Variants in GPR158 observed in about 807,000 individuals in gnomAD.
GPR158 encodes G protein-coupled receptor 158, also known as metabotropic glycine receptor.
In GPR158, 30 loss-of-function variants were observed where a neutral mutation model predicts 78.2. The ratio of observed to expected loss-of-function variants is 0.38; its 90% confidence interval spans 0.29 to 0.52. The LOEUF (loss-of-function observed/expected upper bound fraction) is 0.52. Ranked by LOEUF, GPR158 falls within the 20% of genes least tolerant of loss-of-function variation. GPR158 has a pLI of 0.83. For missense variants in GPR158, 1,463 were observed against 1,523.5 expected (o/e 0.96, Z 0.66); for synonymous variants, 581 against 591.1 (o/e 0.98, Z 0.25).
At chr10:25,221,570 A>G (rs1793335734) in intron 2 of GPR158, among the ~76,000 whole-genome samples, 1 of 152,186 alleles carries the variant, frequency 6.6e-6, no homozygotes, top group East Asian at 1.9e-4. Flanking sequence ...GCACTAGAGA[A>G]GGCATGGTGG....
intron 2 of GPR158, among the ~76,000 whole-genome samples, chr10:25,312,319 G>C (rs1046073622): frequency 2.0e-5 from 3 of 151,944 alleles, no homozygotes; most frequent in African/African-American, 7.2e-5. Flanking sequence ...TTCAAATGTT[G>C]ATACGTTTAA....
At chr10:25,469,098 T>G (rs187533466) in intron 5 of GPR158, among the ~76,000 whole-genome samples, 58 of 152,308 alleles carry the variant, frequency 3.8e-4, no homozygotes, top group African/African-American at 1.3e-3. Flanking sequence ...CAGCCTGCTT[T>G]GTTGATTCTT....
At chr10:25,540,566 G>C (rs983977048) in intron 5 of GPR158, among the ~76,000 whole-genome samples, 3 of 152,068 alleles carry the variant, frequency 2.0e-5, no homozygotes, top group African/African-American at 7.2e-5. Flanking sequence ...TGATAGACTG[G>C]ATTAAGAAAA....
At chr10:25,528,479 T>C (rs1318988039) in intron 5 of GPR158, among the ~76,000 whole-genome samples, 2 of 152,148 alleles carry the variant, frequency 1.3e-5, no homozygotes, top group Non-Finnish European at 2.9e-5. Context: ...GGTTCTAGGA[T>C]ATTCCTATAT....
intron 2 of GPR158, among the ~76,000 whole-genome samples, chr10:25,314,395 G>A (rs550965677): frequency 5.3e-4 from 81 of 152,136 alleles, no homozygotes; most frequent in Non-Finnish European, 7.8e-4. Flanking sequence ...CACCACACCC[G>A]GTTGGTTTTC....
intron 4 of GPR158, among the ~76,000 whole-genome samples, chr10:25,413,339 A>C (rs1279740657): frequency 5.9e-5 from 9 of 152,298 alleles, no homozygotes; most frequent in African/African-American, 2.2e-4. Context: ...CTGTCTCAAT[A>C]AAAAGAGGTG....
At chr10:25,298,154 C>T (rs1854542290) in intron 2 of GPR158, among the ~76,000 whole-genome samples, 1 of 152,092 alleles carries the variant, frequency 6.6e-6, no homozygotes, top group South Asian at 2.1e-4. Context: ...TTGAGATGTT[C>T]CTATAATTAC....
intron 5 of GPR158, among the ~76,000 whole-genome samples, chr10:25,550,166 A>G (rs1029030279): frequency 3.3e-5 from 5 of 152,198 alleles, no homozygotes; most frequent in African/African-American, 9.7e-5. Flanking sequence ...TTGTGGTCCC[A>G]CTGAAATTGT....
At chr10:25,596,135 T>C (rs183401548) in intron 9 of GPR158, among the ~76,000 whole-genome samples, 11 of 152,268 alleles carry the variant, frequency 7.2e-5, no homozygotes, top group African/African-American at 1.4e-4. Context: ...ATATGACAAA[T>C]GACATTATTT....
At chr10:25,357,276 A>T (rs1321659592) in intron 2 of GPR158, among the ~76,000 whole-genome samples, 2 of 152,140 alleles carry the variant, frequency 1.3e-5, no homozygotes, top group African/African-American at 4.8e-5. Flanking sequence ...ACAAAGTAAT[A>T]CAAAAGAAAA....
chr10:25,530,056 G>A (rs981751798), intron 5 of GPR158, among the ~76,000 whole-genome samples: 4 of 152,080 alleles, frequency 2.6e-5, no homozygotes, highest in African/African-American at 9.7e-5. Flanking sequence ...TGCCTCCTCA[G>A]CCCTTCTGCT....
intron 5 of GPR158, among the ~76,000 whole-genome samples, chr10:25,526,529 C>T (rs955405600): frequency 1.3e-5 from 2 of 152,012 alleles, no homozygotes; most frequent in African/African-American, 4.8e-5. Context: ...AGAAACTGTA[C>T]AGTAATTTGG....
chr10:25,540,128 C>T (rs958930256), intron 5 of GPR158, among the ~76,000 whole-genome samples: 21 of 151,986 alleles, frequency 1.4e-4, no homozygotes, highest in East Asian at 3.9e-4. Flanking sequence ...AATAAGTGGG[C>T]GAAGGATATG....
At chr10:25,323,392 C>G (rs1025127860) in intron 2 of GPR158, among the ~76,000 whole-genome samples, 2 of 152,170 alleles carry the variant, frequency 1.3e-5, no homozygotes, top group Non-Finnish European at 2.9e-5. Context: ...CCCTTGGAAA[C>G]TTTGAAGCTA....
At chr10:25,200,868 GTTTTTTTT>G (rs56696555) in intron 1 of GPR158, among the ~76,000 whole-genome samples, 1 of 113,304 alleles carries the variant, frequency 8.8e-6, no homozygotes, top group South Asian at 2.9e-4. Flanking sequence ...TTTTTGTTTT[GTTTTTTTT>G]TTTTTTTTTT....
chr10:25,543,902 G>A (rs921109953), intron 5 of GPR158, among the ~76,000 whole-genome samples: 4 of 152,104 alleles, frequency 2.6e-5, no homozygotes, highest in South Asian at 2.1e-4. Flanking sequence ...AACACACACC[G>A]AGGTACATCT....
chr10:25,383,444 C>G (rs1834183754), intron 2 of GPR158, among the ~76,000 whole-genome samples: 1 of 152,104 alleles, frequency 6.6e-6, no homozygotes, highest in Non-Finnish European at 1.5e-5. Context: ...ATAGAAACAC[C>G]TTTGTTTCCA....
At chr10:25,532,593 C>T (rs1305571958) in intron 5 of GPR158, among the ~76,000 whole-genome samples, 1 of 151,886 alleles carries the variant, frequency 6.6e-6, no homozygotes, top group South Asian at 2.1e-4. Flanking sequence ...ACATATGATA[C>T]TTTCTCCACT....
At position 25,229,406 on chromosome 10, in the gene GPR158, A is replaced by G. The variant is rs535565558; in HGVS notation, c.1008+8249A>G. The stretch of plus-strand genomic sequence containing the variant: ...TTACTTTTTCTGTTGTTTCCACTCA[A>G]TAGATTTTTATCAAAATCTAAAAAT... On this transcript the variant is annotated intron_variant, in intron 2 of 10. Coordinates refer to ENST00000376351, the MANE Select transcript of GPR158 (RefSeq NM_020752.3). Among the ~76,000 whole-genome samples the G allele has an allele frequency of 2.6e-5, 4 of 152,316 alleles. No individual in the cohort carries two copies. The South Asian group carries it at 8.3e-4, about 32-fold the overall frequency.
Sources: gnomAD v4.1 joint callset for allele counts (sites outside exome capture counted in the v4.1 genomes callset) on GRCh38, gnomAD v4.1.1 for gene constraint, MANE v1.5 for transcripts, NCBI Gene and HGNC (gene_info 2026-07-23, HGNC 2026-07-21) for gene names.